Variants in WBP2NL observed in about 807,000 individuals in gnomAD.
WBP2NL encodes WBP2 N-terminal like.
Under a neutral mutation model 23.3 loss-of-function variants are expected in WBP2NL, and 27 were observed. The observed-to-expected ratio is 1.16, with a 90% CI of 0.85 to 1.60. WBP2NL has a LOEUF of 1.60. Ranked by LOEUF, WBP2NL falls within the 40% of genes most tolerant of loss-of-function variation. The pLI, the probability that WBP2NL is intolerant of heterozygous loss-of-function variation, is 0.00. For missense variants in WBP2NL, 370 were observed against 389.5 expected, an observed-to-expected ratio of 0.95 and a Z score of 0.42; for synonymous variants, 151 against 145.9, an observed-to-expected ratio of 1.03 and a Z score of -0.25.
chr22:42,021,612 T>C (rs1381900858), intron 4 of WBP2NL, among the ~76,000 whole-genome samples: 2 of 152,138 alleles, frequency 1.3e-5, no homozygotes, highest in Admixed American at 1.3e-4. Context: ...CTCACATTGG[T>C]CTTTAATGGA....
Position 42,011,588 on chromosome 22 carries a change from A to G in WBP2NL, c.63-7723A>G, listed in dbSNP as rs866855184. Among the ~76,000 whole-genome samples, 7 of 151,940 alleles carry G rather than the reference A, an allele frequency of 4.6e-5. No homozygotes were observed. In the Middle Eastern group the frequency reaches 0.01, roughly 221 times the overall value. On this transcript the variant is annotated intron_variant, in intron 1 of 5. Transcript: ENST00000328823. ...TGGTTACTGATTCAATTTCCTTACTAGTTAATTGGTCTGTTTATATTTTAT... is the reference window on the plus strand; with the variant it reads ...TGGTTACTGATTCAATTTCCTTACTGGTTAATTGGTCTGTTTATATTTTAT...
chr22:42,003,919 T>C lies in WBP2NL; in HGVS notation c.62+5039T>C, dbSNP rs551066907. Among the ~76,000 whole-genome samples the C allele has an allele frequency of 1.5e-4, 23 of 152,338 alleles. 1 individual carries two copies. The South Asian group carries it at 3.3e-3, about 22-fold the overall frequency. On this transcript the variant is annotated intron_variant, in intron 1 of 5. Transcript: ENST00000328823. ...AAGAATGGTGAAACCATTGATGCTT[T>C]AGGAAAAGTTTATGGGGAAATGGCC... is the stretch of plus-strand genomic sequence containing the variant.
chr22:42,039,348 T>G (rs890852237), intron 8 of WBP2NL, among the ~76,000 whole-genome samples: 1 of 131,238 alleles, frequency 7.6e-6, no homozygotes, highest in Non-Finnish European at 1.6e-5. Flanking sequence ...AGTGCTGGGA[T>G]TACAGGCTTT....
chr22:42,045,373 G>A (rs1020026132), intron 8 of WBP2NL, among the ~76,000 whole-genome samples: 10 of 152,032 alleles, frequency 6.6e-5, no homozygotes, highest in Non-Finnish European at 1.5e-4. Context: ...CCCAGGAGGC[G>A]GAGCTTGCAG....
intron 8 of WBP2NL, among the ~76,000 whole-genome samples, chr22:42,048,942 T>C (rs1925708595): frequency 6.6e-6 from 1 of 152,210 alleles, no homozygotes; most frequent in South Asian, 2.1e-4. Flanking sequence ...CCTCTCACTA[T>C]TCCTATTCTA....
intron 8 of WBP2NL, among the ~76,000 whole-genome samples, chr22:42,039,176 ATTCTCTTGCCTCCATC>A (rs1301597719): frequency 6.6e-6 from 1 of 151,220 alleles, no homozygotes; most frequent in Admixed American, 6.6e-5. Flanking sequence ...GGTTCAAGCA[ATTCTCTTGCCTCCATC>A]TCCCAAGTAG....
rs537872900 is a variant in WBP2NL at position 42,027,302 on chromosome 22, C to CT, written c.*124dup. 5.3e-4 allele frequency: 688 copies of CT among 1,304,014 alleles called. 4 individuals carry two copies. The African/African-American group carries it at 8.4e-3, about 16-fold the overall frequency. The allele number at this position is 1,304,014 out of a possible 1,614,324, so 80.8% of individuals were successfully genotyped here. ...GCTTCTCGCAGGTAGTTGTTCCACC[C>CT]TTTGGAAGGGCAATCTTATGGGGGA... On this transcript the variant is annotated 3_prime_UTR_variant, in exon 6 of 6. Transcript: ENST00000328823.
chr22:42,025,584 C>T (rs981922721), intron 5 of WBP2NL, among the ~76,000 whole-genome samples: 1 of 152,058 alleles, frequency 6.6e-6, no homozygotes, highest in African/African-American at 2.4e-5. Flanking sequence ...CTGTTTTTTT[C>T]CCATTGAATG....
intron 1 of WBP2NL, among the ~76,000 whole-genome samples, chr22:42,011,226 T>A (rs1195965724): frequency 5.3e-5 from 8 of 152,206 alleles, no homozygotes. Flanking sequence ...TTAAACGTTT[T>A]GTATAATAGA....
At chr22:42,055,600 ATGTC>A (rs2146827811) in intron 8 of WBP2NL, among the ~76,000 whole-genome samples, 1 of 152,314 alleles carries the variant, frequency 6.6e-6, no homozygotes, top group African/African-American at 2.4e-5. Context: ...TGTTCTGTAA[ATGTC>A]TGTTAGGTCT....
intron 4 of WBP2NL, among the ~76,000 whole-genome samples, chr22:42,020,864 GTGTGTATATATATATATA>G (rs58184317): frequency 0.12 from 4,102 of 34,834 alleles, 703 homozygotes; most frequent in African/African-American, 0.18. Flanking sequence ...GTGTGTGTGT[GTGTGTATATATATATATA>G]TATATATATA....
chr22:41,998,976 C>A, intron 1 of WBP2NL, 96 bp downstream of exon 1: 1 of 1,413,162 alleles, frequency 7.1e-7, no homozygotes, highest in Admixed American at 2.4e-5. Context: ...GGGACTTTGC[C>A]GCCTTTTTTG....
downstream of WBP2NL, among the ~76,000 whole-genome samples, chr22:42,034,562 CATCTT>C (rs1037134461): frequency 3.9e-5 from 6 of 152,332 alleles, no homozygotes; most frequent in Admixed American, 1.3e-4. Context: ...TCATTGATAA[CATCTT>C]ATCAGGAGAC....
At position 42,019,775 on chromosome 22, in the gene WBP2NL, T is replaced by C; in HGVS notation, c.285T>C (p.Ile95=). Residue 95 remains isoleucine (I), a synonymous_variant, in exon 3 of 6, where the codon ATT becomes ATC. Transcript: ENST00000328823. The part of the protein sequence containing the change: ...VEQPVFAANF[I]KGTIQAAPYG... ...AACCAGTATTTGCTGCAAACTTCAT[T>C]AAGGGAACTATTCAGGCAGCTCCAT... 3 of 1,614,248 alleles carry C rather than the reference T, an allele frequency of 1.9e-6. No homozygotes were observed. Among genetic ancestry groups the C allele is most frequent in the East Asian group, 2.2e-5 (1 of 44,888 alleles).
chr22:42,014,419 G>A (rs576755946), intron 1 of WBP2NL, among the ~76,000 whole-genome samples: 51 of 152,068 alleles, frequency 3.4e-4, no homozygotes, highest in African/African-American at 1.2e-3. Flanking sequence ...TAGAGATAGG[G>A]TTTCACCATG....
At chr22:42,041,188 G>A (rs570429202) in intron 8 of WBP2NL, among the ~76,000 whole-genome samples, 1 of 152,154 alleles carries the variant, frequency 6.6e-6, no homozygotes, top group African/African-American at 2.4e-5. Context: ...GGACTTAAAA[G>A]TCTGTTTTGG....
chr22:42,022,178 G>C, intron 4 of WBP2NL, 71 bp from the exon 5 acceptor site: 1 of 1,204,376 alleles, frequency 8.3e-7, no homozygotes, highest in South Asian at 1.2e-5. Context: ...TCTGTTAATT[G>C]TTTAGTTGAT....
chr22:42,019,410 T>G lies in WBP2NL; in HGVS notation c.162T>G (p.Thr54=), dbSNP rs1488698202. The change falls in exon 2 of 6, where the codon ACT becomes ACG. Residue 54 remains threonine, a synonymous_variant. Coordinates refer to ENST00000328823, the MANE Select transcript of WBP2NL (RefSeq NM_152613.3). ...GAAAGACAGGAACATTGTTTCTCAC[T>G]TCATACCGGGTAATTTCTACTTCTA... ...SGRKTGTLFL[T]SYRVIFITSC... 1 of 1,613,416 alleles carries G rather than the reference T, an allele frequency of 6.2e-7. No homozygotes were observed. The highest frequency in any genetic ancestry group is 1.7e-5 in the Admixed American group (1 of 59,858).
chr22:42,024,161 A>C (rs1245112999), intron 5 of WBP2NL, among the ~76,000 whole-genome samples: 1 of 152,218 alleles, frequency 6.6e-6, no homozygotes, highest in African/African-American at 2.4e-5. Context: ...TGTAGCATGT[A>C]GCAATACTTC....
Sources: gnomAD v4.1 joint callset for allele counts (sites outside exome capture counted in the v4.1 genomes callset) on GRCh38, gnomAD v4.1.1 for gene constraint, MANE v1.5 for transcripts, NCBI Gene and HGNC (gene_info 2026-07-23, HGNC 2026-07-21) for gene names.